Variants in AUTS2 observed in about 807,000 individuals in gnomAD.
The protein encoded by AUTS2 is autism susceptibility gene 2 protein.
AUTS2 carries 17 observed loss-of-function variants against 112.4 expected under a neutral mutation model. The ratio of observed to expected loss-of-function variants is 0.15; its 90% CI spans 0.10 to 0.23. AUTS2 has a LOEUF of 0.23. AUTS2 is among the 10% of genes least tolerant of loss of function. AUTS2 has a pLI of 1.00. For synonymous variants in AUTS2, 751 were observed against 702.7 expected, an observed-to-expected ratio of 1.07 and a Z score of -1.09; for missense variants, 1,510 against 1,701.6, an observed-to-expected ratio of 0.89 and a Z score of 1.98.
At chr7:70,160,477 T>C (rs76937903) in intron 4 of AUTS2, among the ~76,000 whole-genome samples, 3,091 of 152,306 alleles carry the variant, frequency 0.02, 122 homozygotes, top group African/African-American at 0.071. Context: ...CATTAAACAA[T>C]TCCCCATTTA....
At chr7:69,612,550 C>T (rs1049608867) in intron 1 of AUTS2, among the ~76,000 whole-genome samples, 13 of 152,068 alleles carry the variant, frequency 8.5e-5, no homozygotes, top group African/African-American at 3.1e-4. Flanking sequence ...GCCTCGACCT[C>T]CTGGGCTGAA....
At chr7:70,255,233 C>T (rs577815778) in intron 4 of AUTS2, among the ~76,000 whole-genome samples, 2 of 152,112 alleles carry the variant, frequency 1.3e-5, no homozygotes, top group African/African-American at 4.8e-5. Flanking sequence ...GCCACCACGC[C>T]TGGCTAATTT....
intron 2 of AUTS2, among the ~76,000 whole-genome samples, chr7:70,019,674 A>G (rs542991315): frequency 5.1e-4 from 77 of 152,282 alleles, no homozygotes; most frequent in African/African-American, 1.7e-3. Flanking sequence ...GCCCTAAACC[A>G]TAACACCTAC....
At chr7:70,489,379 C>T (rs1023505601) in intron 5 of AUTS2, among the ~76,000 whole-genome samples, 4 of 152,160 alleles carry the variant, frequency 2.6e-5, no homozygotes, top group Non-Finnish European at 5.9e-5. Context: ...TCATCAATAT[C>T]CCTAAACCAA....
chr7:70,557,256 G>C lies in AUTS2; in HGVS notation c.690+121475G>C, dbSNP rs142808301. On this transcript the variant is annotated intron_variant, in intron 5 of 18. Coordinates refer to ENST00000342771, the MANE Select transcript of AUTS2 (RefSeq NM_015570.4). The stretch of plus-strand genomic sequence containing the variant: ...GATGCACAATTTTGTTCTTTTCCCT[G>C]CTGGCTAGGATTTGCAGGCACCCAG... 7.2e-3 allele frequency among the ~76,000 whole-genome samples: 1,093 copies of C among 152,214 alleles called. 15 individuals carry two copies. The highest frequency in any genetic ancestry group is 0.025 in the African/African-American group (1,051 of 41,534).
intron 5 of AUTS2, among the ~76,000 whole-genome samples, chr7:70,668,516 C>T (rs17141982): frequency 0.3 from 46,068 of 152,058 alleles, 7,144 homozygotes; most frequent in East Asian, 0.36. Context: ...TATCTGAGAC[C>T]TTGTTATCTT....
chr7:69,702,690 T>A (rs1319199786), intron 1 of AUTS2, among the ~76,000 whole-genome samples: 1 of 152,148 alleles, frequency 6.6e-6, no homozygotes. Context: ...TTGTTAGAAA[T>A]GCAGATTTGG....
intron 3 of AUTS2, among the ~76,000 whole-genome samples, chr7:70,128,038 A>G (rs1356726112): frequency 1.3e-5 from 2 of 151,802 alleles, no homozygotes; most frequent in African/African-American, 4.8e-5. Flanking sequence ...AGCCACTACC[A>G]TGAATGAGCT....
intron 5 of AUTS2, among the ~76,000 whole-genome samples, chr7:70,654,183 C>T (rs998273197): frequency 3.1e-4 from 47 of 152,054 alleles, no homozygotes; most frequent in Admixed American, 2.5e-3. Context: ...GATGTGGGGG[C>T]CTTGTCAAAA....
chr7:70,471,176 G>A (rs1797366854), intron 5 of AUTS2, among the ~76,000 whole-genome samples: 1 of 152,208 alleles, frequency 6.6e-6, no homozygotes, highest in African/African-American at 2.4e-5. Context: ...TGGTATTTGA[G>A]TAAGTCCCTT....
intron 1 of AUTS2, among the ~76,000 whole-genome samples, chr7:69,829,065 T>G (rs1562911855): frequency 6.6e-6 from 1 of 152,066 alleles, no homozygotes; most frequent in Non-Finnish European, 1.5e-5. Flanking sequence ...TGGAACAGAA[T>G]AGAGACCTCA....
intron 4 of AUTS2, among the ~76,000 whole-genome samples, chr7:70,279,000 A>C (rs1229047603): frequency 2.0e-5 from 3 of 152,202 alleles, no homozygotes; most frequent in East Asian, 1.9e-4. Context: ...AAAACTCAAA[A>C]TCATTTTATT....
At chr7:70,385,515 A>G (rs552571968) in intron 4 of AUTS2, among the ~76,000 whole-genome samples, 1 of 152,210 alleles carries the variant, frequency 6.6e-6, no homozygotes, top group South Asian at 2.1e-4. Context: ...TTCTCTTGCT[A>G]CAACAGAAGT....
intron 1 of AUTS2, among the ~76,000 whole-genome samples, chr7:69,714,283 G>GTGTGTGTGTGTGTT (rs1271950084): frequency 6.6e-6 from 1 of 150,608 alleles, no homozygotes; most frequent in Non-Finnish European, 1.5e-5. Context: ...GTGTGTGTGT[G>GTGTGTGTGTGTGTT]TGTGTGTAGA....
At chr7:69,826,594 A>G (rs1791257363) in intron 1 of AUTS2, among the ~76,000 whole-genome samples, 1 of 152,218 alleles carries the variant, frequency 6.6e-6, no homozygotes, top group East Asian at 1.9e-4. Flanking sequence ...TCTGTAGAGC[A>G]CAGTTGATAG....
At chr7:70,589,399 GA>G (rs113964353) in intron 5 of AUTS2, among the ~76,000 whole-genome samples, 62,627 of 152,022 alleles carry the variant, frequency 0.41, 13,686 homozygotes, top group Non-Finnish European at 0.48. Flanking sequence ...AACCCCCTGG[GA>G]AAAAAAATGA....
At chr7:70,608,409 C>A (rs1338945055) in intron 5 of AUTS2, among the ~76,000 whole-genome samples, 4 of 152,270 alleles carry the variant, frequency 2.6e-5, no homozygotes, top group African/African-American at 9.6e-5. Context: ...CCAGCCCAAT[C>A]TTTGACGGTT....
chr7:69,733,937 A>G (rs1786915094), intron 1 of AUTS2, among the ~76,000 whole-genome samples: 1 of 152,098 alleles, frequency 6.6e-6, no homozygotes, highest in Non-Finnish European at 1.5e-5. Context: ...TCTCCACGGG[A>G]AGGCTGTTTT....
chr7:70,071,390 GT>G (rs1200048872), intron 2 of AUTS2, among the ~76,000 whole-genome samples: 1 of 152,166 alleles, frequency 6.6e-6, no homozygotes, highest in Non-Finnish European at 1.5e-5. Flanking sequence ...CCCCTTGAAT[GT>G]ACCTTTTTGG....
Sources: gnomAD v4.1 joint callset for allele counts (sites outside exome capture counted in the v4.1 genomes callset) on GRCh38, gnomAD v4.1.1 for gene constraint, MANE v1.5 for transcripts, NCBI Gene and HGNC (gene_info 2026-07-23, HGNC 2026-07-21) for gene names.